DIAPH2: variants seen among roughly 807,000 people sequenced by gnomAD.
DIAPH2 encodes the protein protein diaphanous homolog 2.
Under a neutral mutation model 92.7 loss-of-function variants are expected in DIAPH2, and 35 were observed. The observed-to-expected ratio is 0.38, with a 90% CI of 0.29 to 0.50. DIAPH2 has a LOEUF of 0.50. DIAPH2 is among the 20% of genes least tolerant of loss of function. The pLI is 0.94. For missense variants in DIAPH2, 701 were observed against 819.5 expected (o/e 0.86, Z 1.77); for synonymous variants, 301 against 280.4 (o/e 1.07, Z -0.73).
chrX:97,096,245 G>C (rs1179695390), intron 19 of DIAPH2, among the ~76,000 whole-genome samples: 1 of 112,399 alleles, frequency 8.9e-6, no homozygotes, highest in Non-Finnish European at 1.9e-5. Context: ...TTTATTTAGA[G>C]AACAGAAGCA....
At chrX:96,803,408 GAT>G (rs2064599241) in intron 4 of DIAPH2, among the ~76,000 whole-genome samples, 1 of 111,502 alleles carries the variant, frequency 9.0e-6, no homozygotes, top group Non-Finnish European at 1.9e-5. Context: ...CAGAAAATCT[GAT>G]ATGTTAGCCC....
chrX:96,849,922 G>A (rs2064996453), intron 4 of DIAPH2, among the ~76,000 whole-genome samples: 1 of 107,145 alleles, frequency 9.3e-6, no homozygotes, highest in Non-Finnish European at 1.9e-5. Flanking sequence ...ATGCATAATA[G>A]TTCCTTAAGA....
At chrX:97,038,898 G>A (rs2066429926) in intron 17 of DIAPH2, among the ~76,000 whole-genome samples, 1 of 110,979 alleles carries the variant, frequency 9.0e-6, no homozygotes, top group African/African-American at 3.3e-5. Flanking sequence ...ATATTATTAT[G>A]CCACATAGAA....
At chrX:97,416,468 T>C (rs910546970) in intron 25 of DIAPH2, among the ~76,000 whole-genome samples, 3 of 112,367 alleles carry the variant, frequency 2.7e-5, no homozygotes, top group Non-Finnish European at 5.6e-5. Flanking sequence ...TTGAATCAAT[T>C]TGATTATTTT....
intron 22 of DIAPH2, among the ~76,000 whole-genome samples, chrX:97,200,307 C>T (rs1350588630): frequency 1.8e-5 from 2 of 112,069 alleles, no homozygotes; most frequent in Non-Finnish European, 3.8e-5. Flanking sequence ...TGTTTTTGTA[C>T]CCCGGCGGTG....
intron 1 of DIAPH2, among the ~76,000 whole-genome samples, chrX:96,723,822 T>G (rs1262934542): frequency 9.0e-6 from 1 of 111,378 alleles, no homozygotes; most frequent in African/African-American, 3.3e-5. Context: ...AGAAGTTAAT[T>G]TAGGAATTTT....
chrX:97,189,684 T>TA (rs1254467051), intron 22 of DIAPH2, among the ~76,000 whole-genome samples: 1 of 112,156 alleles, frequency 8.9e-6, no homozygotes, highest in African/African-American at 3.2e-5. Flanking sequence ...AAGCAATTTT[T>TA]AAAAAATCCC....
chrX:96,830,977 G>A (rs1235460013), intron 4 of DIAPH2, among the ~76,000 whole-genome samples: 2 of 111,349 alleles, frequency 1.8e-5, no homozygotes, highest in South Asian at 3.8e-4. Context: ...ACATGTAAAA[G>A]AATATCAGAT....
chrX:97,599,262 G>A lies in DIAPH2; in HGVS notation c.3251G>A (p.Arg1084Gln), dbSNP rs761184951. 1.7e-6 allele frequency: 2 copies of A among 1,191,242 alleles called. No homozygotes were observed. Among genetic ancestry groups the A allele is most frequent in the Admixed American group, 4.4e-5 (2 of 45,170 alleles). ...TCTGTTTGTCTTACAGATAACAGAC[G>A]AGTACCTTTGGAAAGGTCACGCTCT... Reference protein sequence around the residue: ...KRIPRNPDNRRVPLERSRSRH... With the variant: ...KRIPRNPDNRQVPLERSRSRH... Residue 1084 changes from arginine (R) to glutamine (Q), a missense_variant, in exon 27 of 27, where the codon CGA (arginine) becomes CAA (glutamine). By Grantham distance (43) the Arg-to-Gln change is conservative. Transcript: ENST00000324765.
chrX:97,252,716 G>GTGTTTTGTTTTGTTTTGTTT lies in DIAPH2; in HGVS notation c.2844+4879_2844+4898dup, dbSNP rs57036021. ...AACAACCCTCAAGAGCAAAGCTGTT[G>GTGTTTTGTTTTGTTTTGTTT]TGTTTTGTTTTGTTTTGTTTTTAAT... is the stretch of plus-strand genomic sequence containing the variant. On this transcript the variant is annotated intron_variant, in intron 23 of 26. Transcript: ENST00000324765. Among the ~76,000 whole-genome samples, 310 of 104,341 alleles carry GTGTTTTGTTTTGTTTTGTTT rather than the reference G, an allele frequency of 3.0e-3. 2 individuals carry two copies. Among genetic ancestry groups the GTGTTTTGTTTTGTTTTGTTT allele is most frequent in the East Asian group, 0.025 (79 of 3,221 alleles). 90.6% of individuals were successfully genotyped at this position (104,341 alleles called of 115,157 possible).
intron 23 of DIAPH2, among the ~76,000 whole-genome samples, chrX:97,311,741 T>A (rs977557771): frequency 3.6e-5 from 4 of 111,590 alleles, no homozygotes; most frequent in Non-Finnish European, 5.6e-5. Flanking sequence ...TCCTAAACCA[T>A]AATCCCTGGC....
intron 3 of DIAPH2, among the ~76,000 whole-genome samples, chrX:96,751,647 G>GTTGTTTTTTTTTTTT (rs2064189692): frequency 1.2e-5 from 1 of 85,049 alleles, no homozygotes; most frequent in African/African-American, 4.4e-5. Context: ...AGACTTCAGT[G>GTTGTTTTTTTTTTTT]TTTTGTTTTT....
intron 1 of DIAPH2, 125 bp downstream of exon 1, chrX:96,685,315 G>C (rs981670593): frequency 1.1e-5 from 9 of 810,128 alleles, no homozygotes; most frequent in Non-Finnish European, 1.4e-5. Flanking sequence ...TGTGCAACTC[G>C]GGGAGCCGCT....
chrX:96,763,007 C>T, intron 4 of DIAPH2: 1 of 680,427 alleles, frequency 1.5e-6, no homozygotes, highest in Non-Finnish European at 2.0e-6. Context: ...TTACTAAACA[C>T]TTAACCTCTG....
At chrX:97,389,713 G>C (rs2069638163) in intron 25 of DIAPH2, among the ~76,000 whole-genome samples, 1 of 110,966 alleles carries the variant, frequency 9.0e-6, no homozygotes, top group Non-Finnish European at 1.9e-5. Flanking sequence ...CTGGGATGCA[G>C]CAGAGAAAGA....
intron 23 of DIAPH2, among the ~76,000 whole-genome samples, chrX:97,344,007 T>C (rs1010161293): frequency 3.6e-5 from 4 of 111,628 alleles, no homozygotes; most frequent in Admixed American, 1.9e-4. Context: ...AATGGTAATA[T>C]TGCTCTGCCT....
At chrX:97,220,349 CA>C (rs2067914573) in intron 22 of DIAPH2, among the ~76,000 whole-genome samples, 1 of 101,718 alleles carries the variant, frequency 9.8e-6, no homozygotes, top group Admixed American at 1.1e-4. Context: ...ATGATTTTAT[CA>C]GTGCTTACAA....
At chrX:97,017,412 T>C (rs774111467) in intron 17 of DIAPH2, among the ~76,000 whole-genome samples, 40 of 111,850 alleles carry the variant, frequency 3.6e-4, no homozygotes, top group Non-Finnish European at 5.6e-4. Flanking sequence ...AATAAAGCAC[T>C]GGGCAACAAC....
chrX:97,453,327 T>C (rs1158036786), intron 26 of DIAPH2, among the ~76,000 whole-genome samples: 1 of 110,353 alleles, frequency 9.1e-6, no homozygotes, highest in Non-Finnish European at 1.9e-5. Context: ...ATAATGCTGT[T>C]GTAAACATCT....
Sources: gnomAD v4.1 joint callset for allele counts (sites outside exome capture counted in the v4.1 genomes callset) on GRCh38, gnomAD v4.1.1 for gene constraint, MANE v1.5 for transcripts, NCBI Gene and HGNC (gene_info 2026-07-23, HGNC 2026-07-21) for gene names.